ARAP2: variants seen among roughly 807,000 people sequenced by gnomAD.
ARAP2 encodes the protein arf-GAP with Rho-GAP domain, ANK repeat and PH domain-containing protein 2.
A neutral mutation model predicts 194.5 loss-of-function variants in ARAP2; 148 were observed. That is an observed-to-expected ratio of 0.76 (90% CI 0.67 to 0.87). The LOEUF is 0.87. Among genes scored for constraint, ARAP2 ranks in the 40% least tolerant of loss-of-function variants. The probability of loss-of-function intolerance (pLI) is 0.00; values close to 1 mark genes in which losing one functional copy is unlikely to be tolerated. For missense variants in ARAP2, 2,128 were observed against 1,989.7 expected (o/e 1.07, Z -1.32); for synonymous variants, 695 against 683.5 (o/e 1.02, Z -0.26).
At position 36,080,247 on chromosome 4, in the gene ARAP2, G is replaced by A. The variant is rs373836766; in HGVS notation, c.4577C>T (p.Thr1526Met). Residue 1526 changes from threonine (T) to methionine (M), a missense_variant, in exon 31 of 33, where the codon ACG becomes ATG. Transcript: ENST00000303965. ...HLCCDSSRTQTEWMTSIFIAQ... is the reference protein window; with the variant it reads ...HLCCDSSRTQMEWMTSIFIAQ... Reference sequence around the variant, plus strand: ...AATAAAGATACTGGTCATCCACTCCGTCTGAGTTCGTGAACTATCACAACA... The same window carrying A: ...AATAAAGATACTGGTCATCCACTCCATCTGAGTTCGTGAACTATCACAACA... 90 of 1,612,954 alleles carry A rather than the reference G, an allele frequency of 5.6e-5. 1 individual carries two copies. The highest frequency in any genetic ancestry group is 3.3e-4 in the Middle Eastern group (2 of 6,076).
chr4:36,050,609 T>C (rs1406737066), intron 3 of ARAP2, among the ~76,000 whole-genome samples: 1 of 152,230 alleles, frequency 6.6e-6, no homozygotes, highest in Non-Finnish European at 1.5e-5. Context: ...TAAGGCAGTA[T>C]TGAAAACTTA....
intron 2 of ARAP2, among the ~76,000 whole-genome samples, chr4:36,057,628 G>T (rs537846981): frequency 6.5e-4 from 98 of 151,812 alleles, no homozygotes; most frequent in African/African-American, 2.2e-3. Flanking sequence ...TGTCAATTAT[G>T]CTATAAAACC....
At chr4:36,095,778 T>C (rs1414322358) in intron 27 of ARAP2, among the ~76,000 whole-genome samples, 1 of 152,112 alleles carries the variant, frequency 6.6e-6, no homozygotes, top group Non-Finnish European at 1.5e-5. Flanking sequence ...CAGATACATA[T>C]TCAACTGCTT....
chr4:36,183,839 C>G (rs553771735), intron 8 of ARAP2, among the ~76,000 whole-genome samples: 1 of 152,142 alleles, frequency 6.6e-6, no homozygotes, highest in South Asian at 2.1e-4. Context: ...ATAATCCTGT[C>G]TTAGTAACAC....
At chr4:36,064,574 C>A (rs1212598646), downstream of ARAP2, among the ~76,000 whole-genome samples, 4 of 152,228 alleles carry the variant, frequency 2.6e-5, no homozygotes, top group Non-Finnish European at 5.9e-5. Flanking sequence ...CCTGGTCCTG[C>A]AGCTCAGGTG....
intron 6 of ARAP2, among the ~76,000 whole-genome samples, chr4:36,018,266 C>T (rs879351694): frequency 1.3e-5 from 2 of 152,052 alleles, no homozygotes; most frequent in African/African-American, 2.4e-5. Flanking sequence ...GAATGGTCTA[C>T]GCTGAATTGG....
At chr4:36,010,926 A>G (rs927743556) in intron 9 of ARAP2, among the ~76,000 whole-genome samples, 1 of 152,158 alleles carries the variant, frequency 6.6e-6, no homozygotes, top group African/African-American at 2.4e-5. Context: ...CAAGTATTTT[A>G]TCAAACTTTT....
intron 15 of ARAP2, among the ~76,000 whole-genome samples, chr4:36,154,660 C>A (rs2109745062): frequency 6.6e-6 from 1 of 152,110 alleles, no homozygotes; most frequent in East Asian, 1.9e-4. Flanking sequence ...TCTTTATAAC[C>A]AGAGGCCAGA....
At chr4:36,221,298 G>A (rs1371477609) in intron 2 of ARAP2, among the ~76,000 whole-genome samples, 4 of 151,986 alleles carry the variant, frequency 2.6e-5, no homozygotes, top group South Asian at 2.1e-4. Flanking sequence ...TGTGGCCATC[G>A]TCAAAGGACT....
intron 6 of ARAP2, among the ~76,000 whole-genome samples, chr4:36,207,050 G>A (rs1745686120): frequency 6.6e-6 from 1 of 152,198 alleles, no homozygotes; most frequent in African/African-American, 2.4e-5. Context: ...AGATATTCTT[G>A]GAGATGTTAA....
intron 26 of ARAP2, among the ~76,000 whole-genome samples, chr4:36,111,720 T>G (rs978074017): frequency 6.6e-6 from 1 of 151,992 alleles, no homozygotes; most frequent in African/African-American, 2.4e-5. Flanking sequence ...TAAACATCCC[T>G]TGATTGCTCA....
At chr4:36,097,114 C>A (rs1169810415) in intron 27 of ARAP2, among the ~76,000 whole-genome samples, 1 of 151,980 alleles carries the variant, frequency 6.6e-6, no homozygotes, top group Non-Finnish European at 1.5e-5. Flanking sequence ...TCATAAAAAA[C>A]AGACTTAGGG....
Position 36,068,255 on chromosome 4 carries a change from C to G in ARAP2, c.4767G>C (p.Arg1589Ser), listed in dbSNP as rs1044344361. The G allele has an allele frequency of 3.8e-6, 6 of 1,563,540 alleles. No individual in the cohort carries two copies. The highest frequency in any genetic ancestry group is 5.2e-6 in the Non-Finnish European group (6 of 1,157,260). Residue 1589 changes from arginine to serine, a missense_variant, in exon 33 of 33, where the codon AGG becomes AGC. Coordinates refer to ENST00000303965, the MANE Select transcript of ARAP2 (RefSeq NM_015230.4). ...NIESARAELE[R>S]LRLSEKCDKE... ...TATCACACTTTTCACTGAGCCGCAG[C>G]CTTTCAAGTTCTGCTCTTGCACTCT...
At chr4:36,151,615 A>G (rs1455452836) in intron 15 of ARAP2, among the ~76,000 whole-genome samples, 1 of 152,184 alleles carries the variant, frequency 6.6e-6, no homozygotes, top group East Asian at 1.9e-4. Flanking sequence ...TATATATTAG[A>G]TAATTTCTGA....
chr4:36,236,932 G>A (rs1402654679), intron 1 of ARAP2, among the ~76,000 whole-genome samples: 1 of 152,194 alleles, frequency 6.6e-6, no homozygotes, highest in African/African-American at 2.4e-5. Flanking sequence ...CACTACGGAT[G>A]ATAAAAGAGA....
Position 36,217,478 on chromosome 4 carries a change from G to A in ARAP2, c.906-2998C>T, listed in dbSNP as rs887896842. Among the ~76,000 whole-genome samples, 23 of 152,040 alleles carry A rather than the reference G, an allele frequency of 1.5e-4. 1 individual carries two copies. The highest frequency in any genetic ancestry group is 8.8e-5 in the Non-Finnish European group (6 of 68,024). On this transcript the variant is annotated intron_variant, in intron 2 of 32. Coordinates refer to ENST00000303965, the MANE Select transcript of ARAP2 (RefSeq NM_015230.4). ...GGAGGTTGCAGTGAGCCAAGATCAC[G>A]CCACTGCACTCCAGCCTGGGTGACA...
At chr4:36,080,322 T>C (rs1334394592) in intron 30 of ARAP2, 43 bp from the exon 31 acceptor site, 9 of 1,510,090 alleles carry the variant, frequency 6.0e-6, no homozygotes, top group South Asian at 1.1e-5. Flanking sequence ...AAAAAGACAA[T>C]TGACTGTTCT....
At chr4:36,223,142 T>A (rs1350796627) in intron 2 of ARAP2, among the ~76,000 whole-genome samples, 1 of 152,116 alleles carries the variant, frequency 6.6e-6, no homozygotes, top group Admixed American at 6.6e-5. Context: ...AAATAAAGCA[T>A]GTATATTTAC....
In ARAP2 at chr4:36,229,198, A is replaced by T. The variant is rs768572139; in HGVS notation, c.289T>A (p.Ser97Thr). ...TCTATGCAGATATTCTGATCAGAAG[A>T]TGGAACATGGTAATCCTTTGAAGGG... ...DDPSKDYHVP[S>T]SDQNICIELS... Residue 97 changes from serine to threonine, a missense_variant, in exon 2 of 33, where the codon TCT (serine) becomes ACT (threonine). Transcript: ENST00000303965. 7 of 1,614,022 alleles carry T rather than the reference A, an allele frequency of 4.3e-6. No homozygotes were observed. The highest frequency in any genetic ancestry group is 5.9e-6 in the Non-Finnish European group (7 of 1,180,008).
Sources: allele counts gnomAD v4.1 joint callset (sites outside exome capture counted in the v4.1 genomes callset), GRCh38; gene constraint gnomAD v4.1.1; transcripts MANE v1.5; gene names NCBI Gene and HGNC (gene_info 2026-07-23, HGNC 2026-07-21).